The following ARSB variants were observed in gnomAD, a reference collection of about 807,000 sequenced individuals.
ARSB encodes arylsulfatase B.
A neutral mutation model predicts 50.9 loss-of-function variants in ARSB; 41 were observed. That is an observed-to-expected ratio of 0.81 (90% CI 0.63 to 1.04). The LOEUF (loss-of-function observed/expected upper bound fraction) is 1.04, where lower values mean the gene tolerates loss of function less well. ARSB is among the 50% of genes least tolerant of loss of function. The pLI, the probability that ARSB is intolerant of heterozygous loss-of-function variation, is 0.00. For missense variants in ARSB, 672 were observed against 693.3 expected, an observed-to-expected ratio of 0.97 and a Z score of 0.35; for synonymous variants, 269 against 284.8, an observed-to-expected ratio of 0.94 and a Z score of 0.56.
At chr5:78,983,544 T>C (rs1753011607) in intron 1 of ARSB, among the ~76,000 whole-genome samples, 1 of 152,174 alleles carries the variant, frequency 6.6e-6, no homozygotes, top group Non-Finnish European at 1.5e-5. Flanking sequence ...CACATCCCTT[T>C]ACTCCCACAA....
At chr5:78,957,254 G>A (rs1442817147) in intron 3 of ARSB, among the ~76,000 whole-genome samples, 1 of 152,170 alleles carries the variant, frequency 6.6e-6, no homozygotes, top group African/African-American at 2.4e-5. Flanking sequence ...TCTCATAAAT[G>A]AATGAAAATG....
At chr5:78,938,298 T>C (rs147134380) in intron 4 of ARSB, among the ~76,000 whole-genome samples, 123 of 152,368 alleles carry the variant, frequency 8.1e-4, no homozygotes, top group Non-Finnish European at 1.6e-3. Flanking sequence ...TAGTACCTAT[T>C]ACTAATAAAA....
At chr5:78,936,394 G>A (rs1474641479) in intron 4 of ARSB, among the ~76,000 whole-genome samples, 13 of 151,098 alleles carry the variant, frequency 8.6e-5, no homozygotes, top group African/African-American at 2.4e-4. Context: ...AAAGTGCTGG[G>A]ATTACAGGTG....
At chr5:78,927,850 G>C (rs1446762105) in intron 4 of ARSB, among the ~76,000 whole-genome samples, 1 of 152,242 alleles carries the variant, frequency 6.6e-6, no homozygotes. Flanking sequence ...AGACAGCAGG[G>C]GGCCAGAAAA....
At chr5:78,868,506 T>C (rs1337884982) in intron 5 of ARSB, among the ~76,000 whole-genome samples, 1 of 125,426 alleles carries the variant, frequency 8.0e-6, no homozygotes, top group East Asian at 2.0e-4. Flanking sequence ...GGGGCCAATA[T>C]TCAACATTCT....
chr5:78,913,036 G>A (rs1414309084), intron 4 of ARSB, among the ~76,000 whole-genome samples: 2 of 152,092 alleles, frequency 1.3e-5, no homozygotes, highest in African/African-American at 4.8e-5. Flanking sequence ...CTGGTCAGCT[G>A]GAGCAATGTT....
intron 1 of ARSB, among the ~76,000 whole-genome samples, 182 bp downstream of exon 1, chr5:78,984,755 G>A (rs2112579507): frequency 6.6e-6 from 1 of 152,126 alleles, no homozygotes; most frequent in South Asian, 2.1e-4. Flanking sequence ...ATGCGCAGAG[G>A]CCGCGGCGGG....
At chr5:78,890,128 G>A (rs1748220058) in intron 4 of ARSB, among the ~76,000 whole-genome samples, 1 of 152,020 alleles carries the variant, frequency 6.6e-6, no homozygotes, top group Admixed American at 6.5e-5. Context: ...AAACTGGAGT[G>A]CTAATATATG....
At chr5:78,917,269 T>C (rs1474044479) in intron 4 of ARSB, among the ~76,000 whole-genome samples, 2 of 152,324 alleles carry the variant, frequency 1.3e-5, no homozygotes, top group East Asian at 1.9e-4. Flanking sequence ...CCTATAGTTG[T>C]CTGTTGTCAA....
intron 6 of ARSB, among the ~76,000 whole-genome samples, chr5:78,814,117 T>C (rs925616374): frequency 1.3e-5 from 2 of 151,038 alleles, no homozygotes; most frequent in African/African-American, 4.9e-5. Context: ...CCACTTCCTC[T>C]GTTTGACTCT....
chr5:78,864,192 C>T lies in ARSB; in HGVS notation c.1142+21392G>A, dbSNP rs573491313. Among the ~76,000 whole-genome samples the T allele has an allele frequency of 5.3e-5, 8 of 151,996 alleles. 1 individual carries two copies. Among genetic ancestry groups the T allele is most frequent in the Admixed American group, 3.9e-4 (6 of 15,264 alleles). On this transcript the variant is annotated intron_variant, in intron 5 of 7. Coordinates refer to ENST00000264914, the MANE Select transcript of ARSB (RefSeq NM_000046.5). ...GGGGTACAAGAGGAGTGTATTAGTC[C>T]GTTTTCATGCTGCTGATAAAGACAT...
intron 4 of ARSB, among the ~76,000 whole-genome samples, chr5:78,933,159 TAA>T (rs1747192442): frequency 6.6e-6 from 1 of 152,192 alleles, no homozygotes; most frequent in African/African-American, 2.4e-5. Context: ...AGATGCTCAA[TAA>T]ATGAAGGTGA....
chr5:78,867,140 T>C (rs905658206), intron 5 of ARSB, among the ~76,000 whole-genome samples: 1 of 152,174 alleles, frequency 6.6e-6, no homozygotes, highest in Non-Finnish European at 1.5e-5. Context: ...CACGAGACTA[T>C]ATCCCACACC....
chr5:78,890,251 CTT>C (rs55797488), intron 4 of ARSB, among the ~76,000 whole-genome samples: 3 of 134,902 alleles, frequency 2.2e-5, no homozygotes, highest in East Asian at 4.5e-4. Context: ...CAAATCTTAT[CTT>C]TTTTTTTTTT....
intron 5 of ARSB, among the ~76,000 whole-genome samples, chr5:78,857,575 T>C (rs75998647): frequency 0.14 from 20,802 of 152,202 alleles, 1,493 homozygotes; most frequent in Middle Eastern, 0.19. Context: ...GTGTTTTTAT[T>C]ACAGCAAATA....
At chr5:78,850,844 C>A (rs1039460859) in intron 5 of ARSB, among the ~76,000 whole-genome samples, 1 of 152,196 alleles carries the variant, frequency 6.6e-6, no homozygotes, top group African/African-American at 2.4e-5. Context: ...AGTTTATTTG[C>A]ATAGAGGTGT....
At chr5:78,940,819 A>G (rs2112432068) in intron 4 of ARSB, among the ~76,000 whole-genome samples, 1 of 152,328 alleles carries the variant, frequency 6.6e-6, no homozygotes, top group East Asian at 1.9e-4. Context: ...AGTTCTGTGA[A>G]GAAAGTCATT....
At chr5:78,936,282 G>T (rs1186610058) in intron 4 of ARSB, among the ~76,000 whole-genome samples, 4 of 151,040 alleles carry the variant, frequency 2.6e-5, no homozygotes, top group Admixed American at 2.6e-4. Flanking sequence ...AAGGCATCAT[G>T]CTGGGTTATT....
At chr5:78,783,631 T>C (rs963999421) in intron 6 of ARSB, 1 of 152,210 alleles carries the variant, frequency 6.6e-6, no homozygotes, top group Non-Finnish European at 1.5e-5. Context: ...GTTGCTAACA[T>C]ACAGACTGTG....
Sources: allele counts gnomAD v4.1 joint callset (sites outside exome capture counted in the v4.1 genomes callset), GRCh38; gene constraint gnomAD v4.1.1; transcripts MANE v1.5; gene names NCBI Gene and HGNC (gene_info 2026-07-23, HGNC 2026-07-21).